KIRREL1: variants seen among roughly 807,000 people sequenced by gnomAD.
KIRREL1 encodes the protein kirre like nephrin family adhesion molecule 1.
KIRREL1 carries 25 observed loss-of-function variants against 83.3 expected under a neutral mutation model. That is an observed-to-expected ratio of 0.30 (90% CI 0.22 to 0.42). The LOEUF is 0.42. Among genes scored for constraint, KIRREL1 ranks in the 10% least tolerant of loss-of-function variants. KIRREL1 has a pLI of 1.00. For missense variants in KIRREL1, 812 were observed against 1,032.3 expected, an observed-to-expected ratio of 0.79 and a Z score of 2.92; for synonymous variants, 388 against 410.4, an observed-to-expected ratio of 0.95 and a Z score of 0.66.
intron 1 of KIRREL1, among the ~76,000 whole-genome samples, chr1:158,015,077 T>C (rs1208253033): frequency 6.6e-6 from 1 of 152,154 alleles, no homozygotes; most frequent in East Asian, 1.9e-4. Flanking sequence ...GCCAAAGTAC[T>C]CTTTTGTTTT....
chr1:158,088,719 C>T (rs1662099453), intron 8 of KIRREL1, among the ~76,000 whole-genome samples: 2 of 151,758 alleles, frequency 1.3e-5, no homozygotes. Context: ...CTCCTGACCT[C>T]GTGATCCGCC....
chr1:158,092,281 A>G (rs1328514043), intron 11 of KIRREL1, among the ~76,000 whole-genome samples: 6 of 151,538 alleles, frequency 4.0e-5, no homozygotes, highest in Non-Finnish European at 8.8e-5. Flanking sequence ...TTTTTTGAGA[A>G]CTAACCATTT....
chr1:158,027,015 C>T (rs918147077), intron 1 of KIRREL1, among the ~76,000 whole-genome samples: 5 of 152,148 alleles, frequency 3.3e-5, no homozygotes, highest in African/African-American at 1.2e-4. Flanking sequence ...TCAACTCTGA[C>T]ACTATCTACC....
intron 1 of KIRREL1, among the ~76,000 whole-genome samples, chr1:158,016,075 G>A (rs1383826126): frequency 2.6e-5 from 4 of 152,124 alleles, no homozygotes; most frequent in Non-Finnish European, 5.9e-5. Flanking sequence ...GGAGGCTGAG[G>A]TGGGTGGATC....
chr1:158,056,032 C>G (rs1661048199), intron 1 of KIRREL1, among the ~76,000 whole-genome samples: 1 of 152,234 alleles, frequency 6.6e-6, no homozygotes, highest in Non-Finnish European at 1.5e-5. Context: ...CCCCCTCCCT[C>G]TCTGGCTGGT....
intron 1 of KIRREL1, among the ~76,000 whole-genome samples, chr1:158,053,695 G>A (rs1660967642): frequency 6.6e-6 from 1 of 152,156 alleles, no homozygotes; most frequent in Admixed American, 6.5e-5. Context: ...TGATTGACCT[G>A]AGCCTCATAT....
chr1:158,014,695 G>A (rs1221330485), intron 1 of KIRREL1, among the ~76,000 whole-genome samples: 1 of 109,570 alleles, frequency 9.1e-6, no homozygotes, highest in Non-Finnish European at 2.0e-5. Flanking sequence ...GGGGGGGGGC[G>A]GGGGGAAGGA....
intron 1 of KIRREL1, among the ~76,000 whole-genome samples, chr1:158,004,971 C>G (rs752084134): frequency 2.0e-5 from 3 of 152,114 alleles, no homozygotes; most frequent in Non-Finnish European, 2.9e-5. Context: ...TTTTAAAAAC[C>G]CCTTTCTTTC....
intron 1 of KIRREL1, among the ~76,000 whole-genome samples, chr1:158,010,361 AC>A (rs1553236102): frequency 8.7e-4 from 45 of 51,504 alleles, no homozygotes; most frequent in Non-Finnish European, 2.0e-3. Context: ...ACACACACAC[AC>A]CCCACACAGT....
intron 7 of KIRREL1, 42 bp downstream of exon 7, chr1:158,088,196 G>A (rs12734495): frequency 1.9e-6 from 3 of 1,613,672 alleles, no homozygotes; most frequent in Admixed American, 1.7e-5. Context: ...GAGAGCAGGG[G>A]CCCCCAAAGG....
chr1:158,092,699 G>T (rs1000893286), intron 11 of KIRREL1, among the ~76,000 whole-genome samples: 14 of 152,266 alleles, frequency 9.2e-5, no homozygotes, highest in African/African-American at 3.1e-4. Context: ...GGGTGGGGAA[G>T]AATGGAGTAG....
chr1:158,000,068 T>C (rs12123469), intron 1 of KIRREL1, among the ~76,000 whole-genome samples: 4 of 150,274 alleles, frequency 2.7e-5, no homozygotes, highest in Admixed American at 6.6e-5. Flanking sequence ...AAAGATGGGG[T>C]GGGGGCTGAG....
intron 1 of KIRREL1, among the ~76,000 whole-genome samples, chr1:158,009,573 T>C (rs181169110): frequency 6.6e-6 from 1 of 152,364 alleles, no homozygotes; most frequent in African/African-American, 2.4e-5. Context: ...GGAGGGTCCT[T>C]TTGTTCTACT....
intron 1 of KIRREL1, among the ~76,000 whole-genome samples, chr1:158,067,815 C>A (rs1661395001): frequency 6.6e-6 from 1 of 152,206 alleles, no homozygotes; most frequent in South Asian, 2.1e-4. Flanking sequence ...GAACAGTAAG[C>A]CTTCTTGCCC....
At chr1:158,002,392 T>A (rs778602949) in intron 1 of KIRREL1, among the ~76,000 whole-genome samples, 5 of 152,196 alleles carry the variant, frequency 3.3e-5, no homozygotes, top group Non-Finnish European at 7.4e-5. Flanking sequence ...CCATTTCCAC[T>A]GGTCTGTGGC....
chr1:158,048,632 A>G (rs1167587433), intron 1 of KIRREL1, among the ~76,000 whole-genome samples: 1 of 152,218 alleles, frequency 6.6e-6, no homozygotes, highest in African/African-American at 2.4e-5. Flanking sequence ...TGAAACACCT[A>G]CGAAGGAAAA....
At position 158,090,066 on chromosome 1, in the gene KIRREL1, A is replaced by G. The variant is rs530647304; in HGVS notation, c.1272+248A>G. On this transcript the variant is annotated intron_variant, in intron 10 of 14. Transcript: ENST00000359209. ...GTTTATTCATCTATAAAACAGGGCC[A>G]GTAACTCCTACCTAATAGGGTTGCT... Among the ~76,000 whole-genome samples, 12 of 152,278 alleles carry G rather than the reference A, an allele frequency of 7.9e-5. 1 individual carries two copies. The South Asian group carries it at 2.5e-3, about 32-fold the overall frequency.
chr1:157,993,836 C>T (rs980448358), intron 1 of KIRREL1, 108 bp downstream of exon 1: 9 of 626,618 alleles, frequency 1.4e-5, no homozygotes, highest in African/African-American at 1.4e-4. Context: ...GGCCAGTCCC[C>T]GGGTCCGGAC....
chr1:158,038,121 AG>A (rs1660524548), intron 1 of KIRREL1, among the ~76,000 whole-genome samples: 1 of 152,184 alleles, frequency 6.6e-6, no homozygotes, highest in Non-Finnish European at 1.5e-5. Flanking sequence ...TGAGGGAGGA[AG>A]GCCAGCTATT....
Sources: allele counts gnomAD v4.1 joint callset (sites outside exome capture counted in the v4.1 genomes callset), GRCh38; gene constraint gnomAD v4.1.1; transcripts MANE v1.5; gene names NCBI Gene and HGNC (gene_info 2026-07-23, HGNC 2026-07-21).